Variants in SSBP3 observed in about 807,000 individuals in gnomAD.
The protein encoded by SSBP3 is single-stranded DNA-binding protein 3.
SSBP3 carries 5 observed loss-of-function variants against 69.6 expected under a neutral mutation model. That is an observed-to-expected ratio of 0.07 (90% CI 0.04 to 0.15). The LOEUF (loss-of-function observed/expected upper bound fraction) is 0.15, where lower values mean the gene tolerates loss of function less well. SSBP3 is among the 10% of genes least tolerant of loss of function. SSBP3 has a pLI of 1.00. For synonymous variants in SSBP3, 196 were observed against 193.4 expected (o/e 1.01, Z -0.11); for missense variants, 312 against 534.0 (o/e 0.58, Z 4.10).
intron 13 of SSBP3, among the ~76,000 whole-genome samples, chr1:54,240,081 TGTGTGTGCGCGC>T (rs1308266181): frequency 0.074 from 2,163 of 29,382 alleles, 58 homozygotes; most frequent in African/African-American, 0.22. Context: ...TGTGTGTGTG[TGTGTGTGCGCGC>T]GCGCGCGTGT....
intron 4 of SSBP3, among the ~76,000 whole-genome samples, chr1:54,300,630 G>C (rs961466678): frequency 1.3e-5 from 2 of 152,184 alleles, no homozygotes; most frequent in Admixed American, 6.5e-5. Flanking sequence ...GGTGACATCT[G>C]ATCAGACACC....
intron 4 of SSBP3, among the ~76,000 whole-genome samples, chr1:54,378,630 G>A (rs1647378205): frequency 1.3e-5 from 2 of 152,174 alleles, no homozygotes; most frequent in South Asian, 2.1e-4. Context: ...GGGCTGGGAC[G>A]GCGGTTTGGT....
chr1:54,339,770 G>A (rs974379597), intron 4 of SSBP3, among the ~76,000 whole-genome samples: 8 of 152,074 alleles, frequency 5.3e-5, no homozygotes, highest in African/African-American at 1.2e-4. Flanking sequence ...AAAATTAGCC[G>A]GGCATGTTGG....
intron 4 of SSBP3, among the ~76,000 whole-genome samples, chr1:54,285,699 G>A (rs899551858): frequency 3.3e-5 from 5 of 152,130 alleles, no homozygotes; most frequent in Middle Eastern, 3.4e-3. Flanking sequence ...CCATTAAGGC[G>A]CTCAGCAAAG....
intron 4 of SSBP3, among the ~76,000 whole-genome samples, chr1:54,381,338 G>A (rs1362960611): frequency 1.5e-5 from 2 of 132,076 alleles, no homozygotes; most frequent in Admixed American, 1.9e-4. Flanking sequence ...AGCTGATATC[G>A]TGACACTGTA....
At chr1:54,286,382 T>C (rs1557496380) in intron 4 of SSBP3, 1 of 152,226 alleles carries the variant, frequency 6.6e-6, no homozygotes, top group Non-Finnish European at 1.5e-5. Context: ...TCCAGCCAGG[T>C]GCCTCCTCTA....
intron 4 of SSBP3, among the ~76,000 whole-genome samples, chr1:54,382,852 G>A (rs1434332355): frequency 1.3e-5 from 2 of 152,070 alleles, no homozygotes; most frequent in Non-Finnish European, 2.9e-5. Flanking sequence ...GGGCATGGTG[G>A]CGCCTGCCTG....
chr1:54,355,674 C>G (rs1446897036), intron 4 of SSBP3, among the ~76,000 whole-genome samples: 1 of 152,156 alleles, frequency 6.6e-6, no homozygotes, highest in Non-Finnish European at 1.5e-5. Context: ...AGAGAGCTCC[C>G]CTGCCTCCCA....
At chr1:54,328,940 G>A (rs374143620) in intron 4 of SSBP3, among the ~76,000 whole-genome samples, 9 of 152,344 alleles carry the variant, frequency 5.9e-5, no homozygotes, top group East Asian at 3.9e-4. Flanking sequence ...AGGGGCTGGC[G>A]TGTGCATTCT....
intron 4 of SSBP3, among the ~76,000 whole-genome samples, chr1:54,373,030 A>G (rs1022525148): frequency 6.6e-6 from 1 of 152,204 alleles, no homozygotes; most frequent in African/African-American, 2.4e-5. Context: ...GGAATGATGA[A>G]GAGCAAACCA....
At chr1:54,256,702 A>G (rs1266337702) in intron 7 of SSBP3, among the ~76,000 whole-genome samples, 1 of 152,170 alleles carries the variant, frequency 6.6e-6, no homozygotes, top group Non-Finnish European at 1.5e-5. Context: ...TAGCAGGATT[A>G]TATTTACCAG....
chr1:54,336,760 A>G (rs1047067417), intron 4 of SSBP3, among the ~76,000 whole-genome samples: 21 of 152,184 alleles, frequency 1.4e-4, no homozygotes, highest in African/African-American at 5.1e-4. Context: ...CAGCATCAGC[A>G]TGTGGCTCAC....
At chr1:54,239,912 G>A (rs988408749) in intron 13 of SSBP3, among the ~76,000 whole-genome samples, 1 of 152,170 alleles carries the variant, frequency 6.6e-6, no homozygotes, top group African/African-American at 2.4e-5. Context: ...ATCAGGAGCA[G>A]GCGCTGTAAT....
chr1:54,318,228 A>T (rs996527064), intron 4 of SSBP3, among the ~76,000 whole-genome samples: 1 of 152,184 alleles, frequency 6.6e-6, no homozygotes, highest in Admixed American at 6.5e-5. Flanking sequence ...ACCTTCTGGG[A>T]GTATTTCAAT....
In SSBP3 at chr1:54,279,013, G is replaced by A. The variant is rs538081977; in HGVS notation, c.366+2425C>T. ...CCCTTGGCAGTGTCCCAGCCTGAGC[G>A]GTTCAGCATCATGGCCAGGAAGGAT... On this transcript the variant is annotated intron_variant, in intron 5 of 17. Transcript: ENST00000610401. 1.0e-3 allele frequency among the ~76,000 whole-genome samples: 153 copies of A among 152,320 alleles called. 1 individual carries two copies. The highest frequency in any genetic ancestry group is 3.0e-3 in the African/African-American group (126 of 41,578).
chr1:54,384,390 C>A (rs1043795848), intron 4 of SSBP3, among the ~76,000 whole-genome samples: 1 of 152,200 alleles, frequency 6.6e-6, no homozygotes, highest in Non-Finnish European at 1.5e-5. Flanking sequence ...ACAGACTGCA[C>A]AGAGGGGCCC....
intron 4 of SSBP3, among the ~76,000 whole-genome samples, chr1:54,373,571 C>G (rs1298481773): frequency 6.6e-6 from 1 of 151,982 alleles, no homozygotes; most frequent in Non-Finnish European, 1.5e-5. Flanking sequence ...CAAGACCAGA[C>G]TAGACAACAT....
intron 14 of SSBP3, among the ~76,000 whole-genome samples, chr1:54,232,461 A>T (rs1263443869): frequency 6.6e-6 from 1 of 152,194 alleles, no homozygotes; most frequent in Non-Finnish European, 1.5e-5. Flanking sequence ...TAGGCCAAGC[A>T]TGGTGGCTCG....
At chr1:54,334,803 A>G (rs1322355161) in intron 4 of SSBP3, among the ~76,000 whole-genome samples, 1 of 152,226 alleles carries the variant, frequency 6.6e-6, no homozygotes, top group Non-Finnish European at 1.5e-5. Context: ...TGCCACACAG[A>G]GCCGACTGGC....
Sources: allele counts gnomAD v4.1 joint callset (sites outside exome capture counted in the v4.1 genomes callset), GRCh38; gene constraint gnomAD v4.1.1; transcripts MANE v1.5; gene names NCBI Gene and HGNC (gene_info 2026-07-23, HGNC 2026-07-21).